Variants in MYO1A observed in about 807,000 individuals in gnomAD.
MYO1A encodes the protein myosin IA.
MYO1A carries 127 observed loss-of-function variants against 138.5 expected under a neutral mutation model. That is an observed-to-expected ratio of 0.92 (90% CI 0.79 to 1.06). The LOEUF (loss-of-function observed/expected upper bound fraction) is 1.06. Among genes scored for constraint, MYO1A ranks in the 50% least tolerant of loss-of-function variants. The probability of loss-of-function intolerance (pLI) is 0.00; values close to 1 mark genes in which losing one functional copy is unlikely to be tolerated. For missense variants in MYO1A, 1,211 were observed against 1,288.8 expected, an observed-to-expected ratio of 0.94 and a Z score of 0.92; for synonymous variants, 477 against 497.5, an observed-to-expected ratio of 0.96 and a Z score of 0.55.
rs532029666 is a variant in MYO1A at position 57,038,896 on chromosome 12, G to C, written c.1446C>G (p.Tyr482Ter). 6.2e-7 allele frequency: 1 copy of C among 1,614,164 alleles called. No individual in the cohort carries two copies. Among genetic ancestry groups the C allele is most frequent in the South Asian group, 1.1e-5 (1 of 91,072 alleles). Residue 482 changes from tyrosine to a stop codon, truncating the protein, a stop_gained, in exon 16 of 28, where the codon TAC becomes TAG. Transcript: ENST00000300119. LOFTEE classifies it high-confidence loss of function. Reference sequence around the variant, plus strand: ...GGGCATTCTGGGTGACTTTGCTCTCGTAGTGGCCATGCTTGGAGAAGAGCT... The same window carrying C: ...GGGCATTCTGGGTGACTTTGCTCTCCTAGTGGCCATGCTTGGAGAAGAGCT... Reference protein sequence around the residue: ...LNQLFSKHGHYESKVTQNAQR... With the variant: ...LNQLFSKHGH
chr12:57,050,303 A>G (rs2031293451), upstream of MYO1A, among the ~76,000 whole-genome samples: 1 of 152,336 alleles, frequency 6.6e-6, no homozygotes, highest in South Asian at 2.1e-4. Context: ...TTCTTGCTCC[A>G]TTGTCTCCCA....
At position 57,043,952 on chromosome 12, in the gene MYO1A, C is replaced by T. The variant is rs147114250; in HGVS notation, c.796G>A (p.Glu266Lys). 1 of 1,614,174 alleles carries T rather than the reference C, an allele frequency of 6.2e-7. No individual in the cohort carries two copies. The highest frequency in any genetic ancestry group is 8.5e-7 in the Non-Finnish European group (1 of 1,180,024). ...AGCTTTAGCACCATGGATGTCACCTCTAGCACTTGTCGAATCTCCTCCTCC... is the reference window on the plus strand; with the variant it reads ...AGCTTTAGCACCATGGATGTCACCTTTAGCACTTGTCGAATCTCCTCCTCC... Reference protein sequence around the residue: ...FSEEEIRQVLEVTSMVLKLGN... With the variant: ...FSEEEIRQVLKVTSMVLKLGN... Residue 266 changes from glutamate (E) to lysine (K), a missense_variant, in exon 10 of 28, where the codon GAG (glutamate) becomes AAG (lysine). Transcript: ENST00000300119.
rs2030166233 is a variant in MYO1A at position 57,029,594 on chromosome 12, AC to A, written c.2725-8del. 1.2e-6 allele frequency: 2 copies of A among 1,614,084 alleles called. No individual in the cohort carries two copies. Among genetic ancestry groups the A allele is most frequent in the African/African-American group, 2.7e-5 (2 of 74,936 alleles). On this transcript the variant is annotated splice_region_variant and splice_polypyrimidine_tract_variant and intron_variant, in intron 25 of 27. Transcript: ENST00000300119. ...GGAGAATCCGAGAAGAAGTCTAGGG[AC>A]GGAACAGGCAAGGGTGAGGAAAGGC...
At chr12:57,044,710 T>C (rs991718329) in intron 8 of MYO1A, among the ~76,000 whole-genome samples, 1 of 152,192 alleles carries the variant, frequency 6.6e-6, no homozygotes, top group Admixed American at 6.5e-5. Flanking sequence ...AAGTATACTT[T>C]TAAGTAGTGT....
chr12:57,034,140 C>T (rs2030419490), intron 22 of MYO1A, among the ~76,000 whole-genome samples: 1 of 152,168 alleles, frequency 6.6e-6, no homozygotes, highest in Non-Finnish European at 1.5e-5. Context: ...CCATGGGTTG[C>T]CCAAGCCTCT....
chr12:57,046,799 A>T (rs1277310777), intron 7 of MYO1A, 64 bp downstream of exon 7: 65 of 1,570,268 alleles, frequency 4.1e-5, no homozygotes, highest in Non-Finnish European at 5.7e-5. Context: ...ACAGGAACAG[A>T]TTAGCAGAAA....
intron 27 of MYO1A, 95 bp from the exon 28 acceptor site, chr12:57,028,976 C>G (rs1393929262): frequency 1.3e-6 from 2 of 1,594,688 alleles, no homozygotes; most frequent in South Asian, 2.2e-5. Flanking sequence ...AGTCAGAGGA[C>G]TTGAGGCCCC....
intron 14 of MYO1A, 188 bp from the exon 15 acceptor site, chr12:57,039,462 TAGAC>T: frequency 1.6e-6 from 1 of 630,338 alleles, no homozygotes; most frequent in East Asian, 2.9e-5. Context: ...GTGGGGTGGG[TAGAC>T]AGACACACGG....
In MYO1A at chr12:57,037,059, T is replaced by C; in HGVS notation, c.2088A>G (p.Arg696=). Residue 696 remains arginine (R), a synonymous_variant, in exon 20 of 28, where the codon AGA becomes AGG. Transcript: ENST00000300119. ...GTATGAGTGTGGCCAGCTGCTGGAG[T>C]CTCAGGCGCCTCTGTTCTTCGAGGT... ...LFYLEEQRRL[R]LQQLATLIQK... The C allele has an allele frequency of 6.2e-7, 1 of 1,613,824 alleles. No homozygotes were observed. Among genetic ancestry groups the C allele is most frequent in the Non-Finnish European group, 8.5e-7 (1 of 1,179,932 alleles).
At position 57,029,589 on chromosome 12, in the gene MYO1A, T is replaced by C. The variant is rs148980496; in HGVS notation, c.2725-2A>G. 3.4e-5 allele frequency: 55 copies of C among 1,614,154 alleles called. No individual in the cohort carries two copies. In the East Asian group the frequency reaches 1.2e-3, roughly 36 times the overall value. ...CAGGAGGAGAATCCGAGAAGAAGTC[T>C]AGGGACGGAACAGGCAAGGGTGAGG... On this transcript the variant is annotated splice_acceptor_variant, in intron 25 of 27. Coordinates refer to ENST00000300119, the MANE Select transcript of MYO1A (RefSeq NM_005379.4). LOFTEE classifies it high-confidence loss of function.
In MYO1A at chr12:57,048,253, A is replaced by T. The variant is rs147987427; in HGVS notation, c.71T>A (p.Leu24Gln). 112 of 1,614,090 alleles carry T rather than the reference A, an allele frequency of 6.9e-5. No homozygotes were observed. Among genetic ancestry groups the T allele is most frequent in the Middle Eastern group, 3.3e-4 (2 of 6,084 alleles). Reference sequence around the variant, plus strand: ...ATAGCGAAGCTGAAGATTCTTGAGCAGTGACTCCTCCACCAAGGGTTCCAG... The same window carrying T: ...ATAGCGAAGCTGAAGATTCTTGAGCTGTGACTCCTCCACCAAGGGTTCCAG... ...VLLEPLVEES[L>Q]LKNLQLRYEN... is the part of the protein sequence containing the mutation. The change falls in exon 2 of 28, where the codon CTG (leucine) becomes CAG (glutamine). Residue 24 changes from leucine (L) to glutamine (Q), a missense_variant. By Grantham distance (113) the Leu-to-Gln change is moderately radical (BLOSUM62 -2). Coordinates refer to ENST00000300119, the MANE Select transcript of MYO1A (RefSeq NM_005379.4).
chr12:57,038,338 C>A, intron 17 of MYO1A, 74 bp downstream of exon 17: 2 of 1,494,120 alleles, frequency 1.3e-6, no homozygotes, highest in South Asian at 2.3e-5. Context: ...CCCACATGGA[C>A]GTGTTCTACA....
chr12:57,041,132 G>T, intron 14 of MYO1A, 52 bp downstream of exon 14: 2 of 1,347,216 alleles, frequency 1.5e-6, no homozygotes, highest in Non-Finnish European at 2.1e-6. Flanking sequence ...GGAAGCTCTG[G>T]CATATGCCTA....
At chr12:57,036,570 G>A (rs573659548) in intron 21 of MYO1A, among the ~76,000 whole-genome samples, 189 bp from the exon 22 acceptor site, 33 of 152,284 alleles carry the variant, frequency 2.2e-4, no homozygotes, top group Non-Finnish European at 4.6e-4. Context: ...CTGCTGCCAA[G>A]TTAGGCATCT....
At chr12:57,041,543 C>T (rs775156656) in intron 12 of MYO1A, 46 bp from the exon 13 acceptor site, 2 of 1,528,658 alleles carry the variant, frequency 1.3e-6, no homozygotes, top group African/African-American at 2.7e-5. Context: ...CCCCTCTGCA[C>T]ACCAGGCCAG....
In MYO1A at chr12:57,037,540, T is replaced by G; in HGVS notation, c.2055+8A>C. ...CCTCACCAAATGCTAATGCACTCTC[T>G]AACTCACAGTCTTGGGGCTTCTAAT... On this transcript the variant is annotated splice_region_variant and intron_variant, in intron 19 of 27. Coordinates refer to ENST00000300119, the MANE Select transcript of MYO1A (RefSeq NM_005379.4). 1 of 1,613,554 alleles carries G rather than the reference T, an allele frequency of 6.2e-7. No individual in the cohort carries two copies. The highest frequency in any genetic ancestry group is 1.3e-5 in the African/African-American group (1 of 75,006).
At chr12:57,031,201 G>A (rs1425050272) in intron 22 of MYO1A, 27 bp from the exon 23 acceptor site, 1 of 1,613,932 alleles carries the variant, frequency 6.2e-7, no homozygotes, top group African/African-American at 1.3e-5. Context: ...GGGATTGGGA[G>A]TGGAGTGATA....
chr12:57,043,984 C>T lies in MYO1A; in HGVS notation c.764G>A (p.Gly255Glu). 6.2e-7 allele frequency: 1 copy of T among 1,614,162 alleles called. No homozygotes were observed. The highest frequency in any genetic ancestry group is 8.5e-7 in the Non-Finnish European group (1 of 1,180,014). Reference protein sequence around the residue: ...RAVQSAMAVIGFSEEEIRQVL... With the variant: ...RAVQSAMAVIEFSEEEIRQVL... Reference sequence around the variant, plus strand: ...TTGTCGAATCTCCTCCTCCGAGAACCCAATCACTGCCATTGCACTCTTAGG... The same window carrying T: ...TTGTCGAATCTCCTCCTCCGAGAACTCAATCACTGCCATTGCACTCTTAGG... The change falls in exon 10 of 28, where the codon GGG (glycine) becomes GAG (glutamate). Residue 255 changes from glycine to glutamate, a missense_variant. Physicochemically the swap from Gly to Glu is moderately conservative, Grantham distance 98. Transcript: ENST00000300119.
At chr12:57,042,140 A>T (rs1015712842) in intron 12 of MYO1A, among the ~76,000 whole-genome samples, 1 of 152,050 alleles carries the variant, frequency 6.6e-6, no homozygotes, top group African/African-American at 2.4e-5. Context: ...GTCACTCCCC[A>T]TACCCCTCTC....
Sources: gnomAD v4.1 joint callset for allele counts (sites outside exome capture counted in the v4.1 genomes callset) on GRCh38, gnomAD v4.1.1 for gene constraint, MANE v1.5 for transcripts, NCBI Gene and HGNC (gene_info 2026-07-23, HGNC 2026-07-21) for gene names.